The following AHCTF1 variants were observed in gnomAD, a reference collection of about 807,000 sequenced individuals.
AHCTF1 encodes AT-hook containing transcription factor 1.
In AHCTF1, 24 loss-of-function variants were observed where a neutral mutation model predicts 248.4. The ratio of observed to expected loss-of-function variants is 0.10; its 90% CI spans 0.07 to 0.14. The LOEUF is 0.14. Ranked by LOEUF, AHCTF1 falls within the 10% of genes least tolerant of loss-of-function variation. The probability of loss-of-function intolerance (pLI) is 1.00; values close to 1 mark genes in which losing one functional copy is unlikely to be tolerated. For missense variants in AHCTF1, 2,206 were observed against 2,636.2 expected (o/e 0.84, Z 3.57); for synonymous variants, 786 against 929.8 (o/e 0.85, Z 2.81).
intron 24 of AHCTF1, among the ~76,000 whole-genome samples, chr1:246,868,283 C>A (rs190558581): frequency 6.6e-6 from 1 of 152,248 alleles, no homozygotes; most frequent in Non-Finnish European, 1.5e-5. Flanking sequence ...AATGTGCCAC[C>A]ACGCTAATTT....
chr1:246,907,515 AC>A (rs1402864356), intron 5 of AHCTF1, 35 bp downstream of exon 5: 1 of 1,577,936 alleles, frequency 6.3e-7, no homozygotes, highest in East Asian at 2.2e-5. Flanking sequence ...CAAAAAAACT[AC>A]CTATAATCAA....
intron 1 of AHCTF1, among the ~76,000 whole-genome samples, chr1:246,930,796 T>C (rs933273560): frequency 2.6e-5 from 4 of 152,194 alleles, no homozygotes; most frequent in African/African-American, 4.8e-5. Flanking sequence ...GATTTACGTT[T>C]TGTTCTATGA....
rs756531391 is a variant in AHCTF1 at position 246,900,318 on chromosome 1, GA to G, written c.1250+18del. The G allele has an allele frequency of 3.8e-5, 59 of 1,568,000 alleles. No individual in the cohort carries two copies. The highest frequency in any genetic ancestry group is 3.5e-4 in the Middle Eastern group (2 of 5,790). On this transcript the variant is annotated intron_variant, in intron 9 of 35. Coordinates refer to ENST00000648844, the MANE Select transcript of AHCTF1 (RefSeq NM_001323342.2). The stretch of plus-strand genomic sequence containing the variant: ...TACAAATACAAAGAGAAAGGAGAGA[GA>G]AAAAAAAAGAATCATACCTTAACGA...
intron 31 of AHCTF1, among the ~76,000 whole-genome samples, chr1:246,855,283 CCTAA>C (rs919104933): frequency 1.6e-4 from 24 of 152,040 alleles, no homozygotes; most frequent in African/African-American, 5.3e-4. Flanking sequence ...ATAGCCAGGG[CCTAA>C]CTGAGAATAG....
chr1:246,864,748 G>A lies in AHCTF1; in HGVS notation c.3348-632C>T, dbSNP rs1390203189. Among the ~76,000 whole-genome samples the A allele has an allele frequency of 6.1e-4, 40 of 65,358 alleles. 15 individuals carry two copies. The highest frequency in any genetic ancestry group is 7.7e-4 in the Non-Finnish European group (33 of 42,758). The allele number at this position is 65,358 out of a possible 152,430, so 42.9% of individuals were successfully genotyped here. ...CCAGCTACTCGGGAGGCTGAGGCAG[G>A]AGAATGGCGTGAACCCGGGAAGCGG... On this transcript the variant is annotated intron_variant, in intron 26 of 35. Transcript: ENST00000648844.
chr1:246,850,878 A>C lies in AHCTF1; in HGVS notation c.5128T>G (p.Leu1710Val), dbSNP rs1357533936. 1 of 1,613,956 alleles carries C rather than the reference A, an allele frequency of 6.2e-7. No homozygotes were observed. The highest frequency in any genetic ancestry group is 1.7e-5 in the Admixed American group (1 of 60,010). Residue 1710 changes from leucine to valine, a missense_variant, in exon 33 of 36, where the codon TTG (leucine) becomes GTG (valine). By Grantham distance (32) the Leu-to-Val change is conservative. Transcript: ENST00000648844. ...VSQNIMCPTK[L>V]VKSAFKTAQE... Reference sequence around the variant, plus strand: ...GCAGTCTTAAATGCAGATTTGACCAATTTAGTGGGACACATTATGTTTTGG... The same window carrying C: ...GCAGTCTTAAATGCAGATTTGACCACTTTAGTGGGACACATTATGTTTTGG...
At chr1:246,868,170 C>T (rs990262695) in intron 24 of AHCTF1, among the ~76,000 whole-genome samples, 6 of 150,360 alleles carry the variant, frequency 4.0e-5, no homozygotes, top group Non-Finnish European at 7.4e-5. Flanking sequence ...GCTCTGTAGC[C>T]CAGGCTGGAG....
intron 7 of AHCTF1, among the ~76,000 whole-genome samples, chr1:246,903,247 T>C (rs1249668822): frequency 6.6e-6 from 1 of 152,122 alleles, no homozygotes; most frequent in Non-Finnish European, 1.5e-5. Context: ...TCCGATCTCC[T>C]CAGGAATTCA....
chr1:246,848,516 T>C (rs1290510374), intron 33 of AHCTF1, among the ~76,000 whole-genome samples: 1 of 151,676 alleles, frequency 6.6e-6, no homozygotes, highest in Non-Finnish European at 1.5e-5. Context: ...ATCTACTTTA[T>C]TTATAAGGTC....
rs377388249 is a variant in AHCTF1 at position 246,919,477 on chromosome 1, GC to G, written c.-7-1101del. 5.6e-3 allele frequency among the ~76,000 whole-genome samples: 860 copies of G among 152,272 alleles called. 8 individuals are homozygous for G. Among genetic ancestry groups the G allele is most frequent in the African/African-American group, 0.019 (774 of 41,558 alleles). ...GCCTGTAATCCCAGCACTTTGGGAG[GC>G]TGAGGCAGGCGGATCACAAGGTTAG... On this transcript the variant is annotated intron_variant, in intron 1 of 35. Coordinates refer to ENST00000648844, the MANE Select transcript of AHCTF1 (RefSeq NM_001323342.2).
At chr1:246,915,476 T>A (rs114419014) in intron 3 of AHCTF1, among the ~76,000 whole-genome samples, 3,736 of 152,284 alleles carry the variant, frequency 0.025, 174 homozygotes, top group African/African-American at 0.085. Context: ...CAAGTCTAGT[T>A]TCCCAAATGC....
intron 1 of AHCTF1, among the ~76,000 whole-genome samples, chr1:246,927,977 C>T (rs777582799): frequency 4.0e-5 from 6 of 151,314 alleles, no homozygotes; most frequent in Non-Finnish European, 4.4e-5. Flanking sequence ...TCCAGCCTGG[C>T]GACAGAGCAA....
At chr1:246,871,741 T>A (rs370684422) in intron 24 of AHCTF1, among the ~76,000 whole-genome samples, 59 of 152,014 alleles carry the variant, frequency 3.9e-4, no homozygotes, top group African/African-American at 1.3e-3. Flanking sequence ...CTGCAGACTA[T>A]AAGGAGGTTA....
chr1:246,862,072 G>A lies in AHCTF1; in HGVS notation c.3622C>T (p.Arg1208Ter), dbSNP rs763622332. 1.2e-6 allele frequency: 2 copies of A among 1,612,076 alleles called. No individual in the cohort carries two copies. Among genetic ancestry groups the A allele is most frequent in the Non-Finnish European group, 1.7e-6 (2 of 1,178,320 alleles). ...TPQSILRSTL[R>*]STPLASPSPS... ...GAGGGAGATGCTAAAGGTGTTGATCGAAGAGTAGACCTCAGGATGGACTGA... is the reference window on the plus strand; with the variant it reads ...GAGGGAGATGCTAAAGGTGTTGATCAAAGAGTAGACCTCAGGATGGACTGA... The change falls in exon 28 of 36, where the codon CGA becomes TGA. Residue 1208 changes from arginine (R) to a stop codon, truncating the protein, a stop_gained. Transcript: ENST00000648844. LOFTEE classifies it high-confidence loss of function.
intron 26 of AHCTF1, among the ~76,000 whole-genome samples, chr1:246,866,670 G>A (rs1313603229): frequency 2.0e-5 from 3 of 151,638 alleles, no homozygotes; most frequent in South Asian, 2.1e-4. Context: ...CAAAGATCCT[G>A]GGCATATTAA....
At chr1:246,895,741 TA>T (rs1381002152) in intron 13 of AHCTF1, 93 bp downstream of exon 13, 3 of 1,045,286 alleles carry the variant, frequency 2.9e-6, no homozygotes, top group Admixed American at 4.7e-5. Flanking sequence ...TCTTCAATTA[TA>T]TCAAAATTAA....
chr1:246,877,663 G>GAC, intron 21 of AHCTF1, among the ~76,000 whole-genome samples: 1 of 152,270 alleles, frequency 6.6e-6, no homozygotes, highest in Middle Eastern at 3.4e-3. Context: ...GGAAGCGTGC[G>GAC]AAAGACTGAG....
chr1:246,930,736 G>A (rs1367174970), intron 1 of AHCTF1, among the ~76,000 whole-genome samples: 1 of 152,010 alleles, frequency 6.6e-6, no homozygotes, highest in Admixed American at 6.6e-5. Flanking sequence ...AAAATCTACA[G>A]GTTCTTTAGG....
At chr1:246,927,365 T>C (rs948837738) in intron 1 of AHCTF1, among the ~76,000 whole-genome samples, 1 of 152,068 alleles carries the variant, frequency 6.6e-6, no homozygotes, top group Admixed American at 6.6e-5. Context: ...TGCATACGCT[T>C]GTCATCCCGA....
Sources: allele counts gnomAD v4.1 joint callset (sites outside exome capture counted in the v4.1 genomes callset), GRCh38; gene constraint gnomAD v4.1.1; transcripts MANE v1.5; gene names NCBI Gene and HGNC (gene_info 2026-07-23, HGNC 2026-07-21).